The following ALG12 variants were observed in gnomAD, a reference collection of about 807,000 sequenced individuals.
ALG12 encodes ALG12 alpha-1,6-mannosyltransferase.
Under a neutral mutation model 46.0 loss-of-function variants are expected in ALG12, and 36 were observed. The observed-to-expected ratio is 0.78, with a 90% confidence interval of 0.60 to 1.03. ALG12 has a LOEUF of 1.03. Ranked by LOEUF, ALG12 falls within the 50% of genes least tolerant of loss-of-function variation. The probability of loss-of-function intolerance (pLI) is 0.00; values close to 1 mark genes in which losing one functional copy is unlikely to be tolerated. For missense variants in ALG12, 599 were observed against 633.5 expected (o/e 0.95, Z 0.58); for synonymous variants, 326 against 291.6 (o/e 1.12, Z -1.20).
intron 1 of ALG12, among the ~76,000 whole-genome samples, chr22:49,917,081 G>A (rs1458488950): frequency 6.6e-6 from 1 of 152,226 alleles, no homozygotes. Flanking sequence ...TGGATTCTCT[G>A]CCAGGAGCAC....
chr22:49,865,027 T>G, the ALG12 span, among the ~76,000 whole-genome samples: 1 of 142,870 alleles, frequency 7.0e-6, no homozygotes, highest in Admixed American at 7.6e-5. Flanking sequence ...GTCCTAGCTC[T>G]GCAAGTGACG....
chr22:49,873,993 A>G, the ALG12 span, among the ~76,000 whole-genome samples: 1 of 152,338 alleles, frequency 6.6e-6, no homozygotes, highest in South Asian at 2.1e-4. Flanking sequence ...CGAGAACAAG[A>G]ATGAGCTTGA....
chr22:49,903,961 G>A lies in ALG12; in HGVS notation c.1344C>T (p.His448=), dbSNP rs1197809127. 1 of 1,614,224 alleles carries A rather than the reference G, an allele frequency of 6.2e-7. No individual in the cohort carries two copies. The highest frequency in any genetic ancestry group is 2.2e-5 in the East Asian group (1 of 44,880). The change falls in exon 10 of 10, where the codon CAC becomes CAT. Residue 448 remains histidine, a synonymous_variant. Coordinates refer to ENST00000330817, the MANE Select transcript of ALG12 (RefSeq NM_024105.4). Reference sequence around the variant, plus strand: ...TCCCCACGACGCTGGCCAGGACCCGGTGTGTGTCCCTGTAGAGGGCCAGGA... The same window carrying A: ...TCCCCACGACGCTGGCCAGGACCCGATGTGTGTCCCTGTAGAGGGCCAGGA... The part of the protein sequence containing the change: ...PGLLALYRDT[H]RVLASVVGTT...
chr22:49,906,066 C>A lies in ALG12; in HGVS notation c.993-1560G>T, dbSNP rs1293952145. ...GCTGAGGACCTGACTTCGGAGGGGGCCTTGCTCTACCCTGCACCCCCTCAT... is the reference window on the plus strand; with the variant it reads ...GCTGAGGACCTGACTTCGGAGGGGGACTTGCTCTACCCTGCACCCCCTCAT... On this transcript the variant is annotated intron_variant, in intron 7 of 9. Transcript: ENST00000330817. The surrounding 1 kb of genome is among the most constrained non-coding windows in gnomAD (Gnocchi z 4.4). 6.6e-6 allele frequency among the ~76,000 whole-genome samples: 1 copy of A among 152,140 alleles called. No homozygotes were observed. Among genetic ancestry groups the A allele is most frequent in the Non-Finnish European group, 1.5e-5 (1 of 68,004 alleles).
chr22:49,864,945 C>CGCT, the ALG12 span, among the ~76,000 whole-genome samples: 1 of 75,994 alleles, frequency 1.3e-5, no homozygotes, highest in Non-Finnish European at 2.2e-5. Context: ...AAGCCCCCCC[C>CGCT]CCCCCCCGTG....
the ALG12 span, among the ~76,000 whole-genome samples, chr22:49,875,167 ATGC>A: frequency 6.6e-6 from 1 of 151,678 alleles, no homozygotes; most frequent in African/African-American, 2.4e-5. Flanking sequence ...TATCAGGGTA[ATGC>A]TGCTGATATA....
chr22:49,877,571 G>A, the ALG12 span, among the ~76,000 whole-genome samples: 4 of 152,082 alleles, frequency 2.6e-5, no homozygotes, highest in East Asian at 5.8e-4. Context: ...GGGATTACAG[G>A]TGTGAGCCAC....
rs1461970323 is a variant in ALG12, at chr22:49,906,119, G to A, written c.992+1602C>T. 1.3e-5 allele frequency among the ~76,000 whole-genome samples: 2 copies of A among 152,144 alleles called. No homozygotes were observed. Among genetic ancestry groups the A allele is most frequent in the Non-Finnish European group, 2.9e-5 (2 of 68,028 alleles). ...GGACTCCCCAAGTTTGTCCTCCTCC[G>A]GATAAGGCCGACTGGCACAGCAGGG... On this transcript the variant is annotated intron_variant, in intron 7 of 9. Coordinates refer to ENST00000330817, the MANE Select transcript of ALG12 (RefSeq NM_024105.4). This position sits in a 1 kb window ranked among gnomAD's most constrained non-coding sequence, Gnocchi z 4.4.
At chr22:49,898,031 C>T (rs1272918057), downstream of ALG12, among the ~76,000 whole-genome samples, 2 of 151,528 alleles carry the variant, frequency 1.3e-5, no homozygotes, top group African/African-American at 4.8e-5. Flanking sequence ...TCAATATATA[C>T]TTTGTATATA....
the ALG12 span, among the ~76,000 whole-genome samples, chr22:49,859,402 G>C: frequency 6.6e-6 from 1 of 152,098 alleles, no homozygotes; most frequent in African/African-American, 2.4e-5. Flanking sequence ...AGCTATAAAT[G>C]TGACTAGTTG....
the ALG12 span, chr22:49,886,761 C>G: frequency 6.2e-6 from 10 of 1,612,204 alleles, no homozygotes; most frequent in Non-Finnish European, 8.5e-6. The surrounding 1 kb of genome is among the most constrained non-coding windows in gnomAD (Gnocchi z 7.7). Context: ...TCAGGGAACT[C>G]GAACTCATGA....
At chr22:49,899,587 A>C (rs540428763), downstream of ALG12, among the ~76,000 whole-genome samples, 4 of 152,272 alleles carry the variant, frequency 2.6e-5, no homozygotes, top group Non-Finnish European at 5.9e-5. Flanking sequence ...CACCCTGTGG[A>C]GGGAACGTGG....
At position 49,903,133 on chromosome 22, in the gene ALG12, C is replaced by T. The variant is rs2060523471; in HGVS notation, c.*705G>A. The T allele has an allele frequency of 2.8e-6, 1 of 356,214 alleles. No homozygotes were observed. Among genetic ancestry groups the T allele is most frequent in the Non-Finnish European group, 5.5e-6 (1 of 181,740 alleles). 22.1% of individuals were successfully genotyped at this position (356,214 alleles called of 1,614,324 possible). A position where few individuals can be genotyped will look rare whatever the true frequency, so the allele number is the denominator to read the frequency against. ...TGACAGCACCAAGCTGTCCCTTTACCATAACACCTGGAATAGTCACCTGTG... is the reference window on the plus strand; with the variant it reads ...TGACAGCACCAAGCTGTCCCTTTACTATAACACCTGGAATAGTCACCTGTG... On this transcript the variant is annotated 3_prime_UTR_variant, in exon 10 of 10. Transcript: ENST00000330817.
chr22:49,913,158 G>A (rs1237140968), intron 3 of ALG12, among the ~76,000 whole-genome samples: 2 of 152,226 alleles, frequency 1.3e-5, no homozygotes, highest in Admixed American at 6.5e-5. Flanking sequence ...TCTTGTACCT[G>A]CCGTCACCCC....
rs1283580295 is a variant in ALG12, at chr22:49,906,603, T to G, written c.992+1118A>C. On this transcript the variant is annotated intron_variant, in intron 7 of 9. Coordinates refer to ENST00000330817, the MANE Select transcript of ALG12 (RefSeq NM_024105.4). The surrounding 1 kb of genome is among the most constrained non-coding windows in gnomAD (Gnocchi z 4.4). Reference sequence around the variant, plus strand: ...CACCGGAAAGCACCTGACCGCTGCCTGAGATCAGGGACCGCATTGTGGGGC... The same window carrying G: ...CACCGGAAAGCACCTGACCGCTGCCGGAGATCAGGGACCGCATTGTGGGGC... Among the ~76,000 whole-genome samples, 2 of 152,170 alleles carry G rather than the reference T, an allele frequency of 1.3e-5. No individual in the cohort carries two copies. The highest frequency in any genetic ancestry group is 2.4e-5 in the African/African-American group (1 of 41,432).
At chr22:49,883,294 T>G in the ALG12 span, 1 of 164,090 alleles carries the variant, frequency 6.1e-6, no homozygotes, top group Non-Finnish European at 1.3e-5. Flanking sequence ...TTAAAATGTG[T>G]GATTTAGTTC....
At chr22:49,884,462 C>T in the ALG12 span, 1 of 1,614,236 alleles carries the variant, frequency 6.2e-7, no homozygotes, top group South Asian at 1.1e-5. Flanking sequence ...GATGAACCTG[C>T]AGAGAACTTA....
rs2060544842 is a variant in ALG12, at chr22:49,906,859, C to A, written c.992+862G>T. Reference sequence around the variant, plus strand: ...CCTGGGCCTGAGCCCCGGGTCCTTCCCCAGCACCCACAGGGCCCGGCAGTG... The same window carrying A: ...CCTGGGCCTGAGCCCCGGGTCCTTCACCAGCACCCACAGGGCCCGGCAGTG... On this transcript the variant is annotated intron_variant, in intron 7 of 9. Transcript: ENST00000330817. This position sits in a 1 kb window ranked among gnomAD's most constrained non-coding sequence, Gnocchi z 4.4. Among the ~76,000 whole-genome samples the A allele has an allele frequency of 6.6e-6, 1 of 152,130 alleles. No individual in the cohort carries two copies.
intron 7 of ALG12, among the ~76,000 whole-genome samples, 176 bp downstream of exon 7, chr22:49,907,545 G>A (rs2060549178): frequency 6.6e-6 from 1 of 152,178 alleles, no homozygotes. Context: ...GGAGGAGGCA[G>A]GAGGATGGCT....
Sources: gnomAD v4.1 joint callset for allele counts (sites outside exome capture counted in the v4.1 genomes callset) on GRCh38, gnomAD v4.1.1 for gene constraint, Gnocchi (gnomAD v3.1) non-coding constraint, MANE v1.5 for transcripts, NCBI Gene and HGNC (gene_info 2026-07-23, HGNC 2026-07-21) for gene names.